Variants in RRAGB observed in about 807,000 individuals in gnomAD.
RRAGB encodes ras-related GTP-binding protein B.
RRAGB carries 6 observed loss-of-function variants against 29.3 expected under a neutral mutation model. The observed-to-expected ratio is 0.21, with a 90% confidence interval of 0.11 to 0.40. The LOEUF is 0.40. RRAGB is among the 10% of genes least tolerant of loss of function. RRAGB has a pLI of 1.00. For synonymous variants in RRAGB, 101 were observed against 92.5 expected (o/e 1.09, Z -0.53); for missense variants, 184 against 272.9 (o/e 0.67, Z 2.29).
chrX:55,747,908 C>T (rs972321596), intron 5 of RRAGB, among the ~76,000 whole-genome samples: 8 of 110,179 alleles, frequency 7.3e-5, no homozygotes, highest in Non-Finnish European at 3.8e-5. Context: ...CGGTCTCCCC[C>T]TGATGCCGAG....
At chrX:55,748,098 A>G (rs1461847351) in intron 5 of RRAGB, among the ~76,000 whole-genome samples, 2 of 112,460 alleles carry the variant, frequency 1.8e-5, no homozygotes, top group African/African-American at 6.4e-5. Context: ...TCCAGCTCCT[A>G]ACCCCGAGTG....
intron 7 of RRAGB, among the ~76,000 whole-genome samples, chrX:55,754,033 G>A (rs988023708): frequency 6.3e-5 from 7 of 111,586 alleles, no homozygotes; most frequent in Non-Finnish European, 1.1e-4. Flanking sequence ...CAACAAGAGC[G>A]AAACTCCATC....
At chrX:55,726,395 T>C (rs1195436236) in intron 3 of RRAGB, among the ~76,000 whole-genome samples, 1 of 111,503 alleles carries the variant, frequency 9.0e-6, no homozygotes, top group East Asian at 2.8e-4. Flanking sequence ...ACATGGTTTT[T>C]TTCTGTTTAA....
chrX:55,756,882 G>C (rs1044664225), intron 8 of RRAGB, among the ~76,000 whole-genome samples: 2 of 111,303 alleles, frequency 1.8e-5, no homozygotes, highest in Non-Finnish European at 3.8e-5. Context: ...CTTGAGCCAG[G>C]ATTTCAAGGC....
chrX:55,731,634 A>T, intron 5 of RRAGB, 48 bp downstream of exon 5: 1 of 903,129 alleles, frequency 1.1e-6, no homozygotes, highest in Non-Finnish European at 1.5e-6. Context: ...ATGCTTTGCA[A>T]ACTTATTTTG....
intron 5 of RRAGB, among the ~76,000 whole-genome samples, chrX:55,735,780 G>T (rs1257296604): frequency 8.9e-6 from 1 of 112,130 alleles, no homozygotes; most frequent in Non-Finnish European, 1.9e-5. Context: ...AACTCCTTTT[G>T]CATTTCTTAT....
rs747217328 is a variant in RRAGB, at chrX:55,746,943, A to G, written c.517-4158A>G. Among the ~76,000 whole-genome samples, 6 of 112,355 alleles carry G rather than the reference A, an allele frequency of 5.3e-5. No individual in the cohort carries two copies. The East Asian group carries it at 1.7e-3, about 31-fold the overall frequency. On this transcript the variant is annotated intron_variant, in intron 5 of 9. Coordinates refer to ENST00000374941, the MANE Select transcript of RRAGB (RefSeq NM_006064.5). ...ATACCTTTAATATCTATTCCCATAC[A>G]TATTTCCTTGGTTTTTGTCTGTAAA... is the stretch of plus-strand genomic sequence containing the variant.
chrX:55,754,806 A>G (rs184172828), intron 7 of RRAGB, among the ~76,000 whole-genome samples: 1 of 112,018 alleles, frequency 8.9e-6, no homozygotes, highest in East Asian at 2.8e-4. Flanking sequence ...TGGGGCAAGG[A>G]GTCCTAATTA....
chrX:55,721,813 T>C (rs2033289284), intron 2 of RRAGB, among the ~76,000 whole-genome samples: 1 of 112,590 alleles, frequency 8.9e-6, no homozygotes, highest in African/African-American at 3.2e-5. Context: ...GTTGCAATCC[T>C]CTACTAGGTA....
At chrX:55,728,878 G>A (rs1480816950) in intron 3 of RRAGB, among the ~76,000 whole-genome samples, 1 of 110,751 alleles carries the variant, frequency 9.0e-6, no homozygotes, top group African/African-American at 3.3e-5. Flanking sequence ...GAAATCAATA[G>A]CAGGAGTTCA....
intron 3 of RRAGB, among the ~76,000 whole-genome samples, chrX:55,723,235 G>A (rs977096821): frequency 9.1e-6 from 1 of 109,948 alleles, no homozygotes; most frequent in Non-Finnish European, 1.9e-5. Context: ...CTTATCTCCT[G>A]GGTTCAAGTG....
At chrX:55,724,035 C>T (rs928290296) in intron 3 of RRAGB, among the ~76,000 whole-genome samples, 1 of 112,422 alleles carries the variant, frequency 8.9e-6, no homozygotes, top group Non-Finnish European at 1.9e-5. Flanking sequence ...GGGCCTATCA[C>T]ATCTCTTATT....
In RRAGB at chrX:55,729,358, T is replaced by G. The variant is rs2033592937; in HGVS notation, c.291T>G (p.Gly97=). 7 of 1,182,742 alleles carry G rather than the reference T, an allele frequency of 5.9e-6. No homozygotes were observed. Among genetic ancestry groups the G allele is most frequent in the Non-Finnish European group, 6.9e-6 (6 of 869,848 alleles). Residue 97 remains glycine, a splice_region_variant and synonymous_variant, in exon 4 of 10, where the codon GGT becomes GGG. Coordinates refer to ENST00000374941, the MANE Select transcript of RRAGB (RefSeq NM_006064.5). ...TGGTATTGAACCTGTGGGATTGTGG[T>G]GGGTAAGTACCATCTGCTTACTTGT... ...GNLVLNLWDC[G]GQDTFMENYF...
intron 5 of RRAGB, among the ~76,000 whole-genome samples, chrX:55,749,863 C>T: frequency 9.3e-6 from 1 of 107,070 alleles, no homozygotes; most frequent in Non-Finnish European, 1.9e-5. Context: ...CATCACCACT[C>T]CCTAATCTCA....
chrX:55,729,078 A>G (rs970774610), intron 3 of RRAGB, among the ~76,000 whole-genome samples: 2 of 110,975 alleles, frequency 1.8e-5, no homozygotes, highest in Admixed American at 1.9e-4. Flanking sequence ...AAAAAGTGAA[A>G]TGACTTAACA....
intron 5 of RRAGB, among the ~76,000 whole-genome samples, chrX:55,749,293 C>T (rs1385908964): frequency 1.2e-5 from 1 of 85,737 alleles, no homozygotes; most frequent in Non-Finnish European, 2.3e-5. Context: ...CCCGGCCAGC[C>T]GCCCCGTCCG....
intron 5 of RRAGB, among the ~76,000 whole-genome samples, chrX:55,750,380 G>A (rs1472694823): frequency 9.0e-6 from 1 of 111,074 alleles, no homozygotes. Flanking sequence ...GGGTCAGAAA[G>A]CAATCTGGAG....
At chrX:55,742,764 A>G (rs1366913373) in intron 5 of RRAGB, among the ~76,000 whole-genome samples, 4 of 111,871 alleles carry the variant, frequency 3.6e-5, no homozygotes, top group Admixed American at 1.9e-4. Flanking sequence ...GTGGCACTCC[A>G]GTTTCCACCC....
At chrX:55,721,151 G>A (rs892905170) in intron 2 of RRAGB, among the ~76,000 whole-genome samples, 1 of 111,385 alleles carries the variant, frequency 9.0e-6, no homozygotes. Context: ...TAACTTGCTT[G>A]TTCTTTTGAT....
Sources: gnomAD v4.1 joint callset for allele counts (sites outside exome capture counted in the v4.1 genomes callset) on GRCh38, gnomAD v4.1.1 for gene constraint, MANE v1.5 for transcripts, NCBI Gene and HGNC (gene_info 2026-07-23, HGNC 2026-07-21) for gene names.